The following SLC3A1 variants were observed in gnomAD, a reference collection of about 807,000 sequenced individuals.
The protein encoded by SLC3A1 is amino acid transporter heavy chain SLC3A1.
Under a neutral mutation model 60.3 loss-of-function variants are expected in SLC3A1, and 78 were observed. The observed-to-expected ratio is 1.29, with a 90% CI of 1.08 to 1.56. The LOEUF (loss-of-function observed/expected upper bound fraction) is 1.56. SLC3A1 is among the 40% of genes most tolerant of loss of function. The pLI is 0.00. For missense variants in SLC3A1, 1,172 were observed against 858.9 expected (o/e 1.36, Z -4.56); for synonymous variants, 392 against 307.9 (o/e 1.27, Z -2.86).
intron 7 of SLC3A1, among the ~76,000 whole-genome samples, chr2:44,310,954 C>G (rs976786463): frequency 1.3e-5 from 2 of 152,064 alleles, no homozygotes; most frequent in Admixed American, 1.3e-4. Flanking sequence ...GCCACCATGC[C>G]TGGCTAAATT....
intron 3 of SLC3A1, among the ~76,000 whole-genome samples, chr2:44,281,850 C>T (rs1671507097): frequency 6.6e-6 from 1 of 152,052 alleles, no homozygotes. Context: ...AGTTTGATAA[C>T]CATTTTTCTA....
In SLC3A1 at chr2:44,275,703, G is replaced by T; in HGVS notation, c.168G>T (p.Glu56Asp). ...CCAGGGGCATCCTTGGCTCCCAGGA[G>T]CCCGACTTCAAGGGCGTCCAGCCCT... Reference protein sequence around the residue: ...HSTRGILGSQEPDFKGVQPYA... With the variant: ...HSTRGILGSQDPDFKGVQPYA... The change falls in exon 1 of 10, where the codon GAG (glutamate) becomes GAT (aspartate). Residue 56 changes from glutamate (E) to aspartate (D), a missense_variant. Coordinates refer to ENST00000260649, the MANE Select transcript of SLC3A1 (RefSeq NM_000341.4). The T allele has an allele frequency of 3.1e-6, 5 of 1,614,194 alleles. No individual in the cohort carries two copies. Among genetic ancestry groups the T allele is most frequent in the South Asian group, 1.1e-5 (1 of 91,088 alleles).
chr2:44,303,806 C>T (rs535321824), intron 6 of SLC3A1: 34 of 456,522 alleles, frequency 7.4e-5, no homozygotes, highest in Middle Eastern at 6.4e-4. Context: ...ATTCAACTCC[C>T]ACCTATGAGT....
downstream of SLC3A1, chr2:44,321,734 C>A (rs1201609533): frequency 1.2e-6 from 2 of 1,607,696 alleles, no homozygotes; most frequent in Non-Finnish European, 1.7e-6. Flanking sequence ...TGTGAAGTGG[C>A]TTTGTCATAA....
chr2:44,321,080 C>T lies in SLC3A1; in HGVS notation c.*441C>T. The T allele has an allele frequency of 2.3e-6, 1 of 429,786 alleles. No homozygotes were observed. The allele number at this position is 429,786 out of a possible 1,614,324, so 26.6% of individuals were successfully genotyped here. A position where few individuals can be genotyped will look rare whatever the true frequency, so the allele number is the denominator to read the frequency against. On this transcript the variant is annotated 3_prime_UTR_variant, in exon 10 of 10. Coordinates refer to ENST00000260649, the MANE Select transcript of SLC3A1 (RefSeq NM_000341.4). Reference sequence around the variant, plus strand: ...CTGACTGGAAGGGAGGCCTGGAGCTCTGCTATCACCAATCCTTCCCTTCCC... The same window carrying T: ...CTGACTGGAAGGGAGGCCTGGAGCTTTGCTATCACCAATCCTTCCCTTCCC...
chr2:44,292,389 C>T (rs1181440382), intron 4 of SLC3A1, among the ~76,000 whole-genome samples: 1 of 152,128 alleles, frequency 6.6e-6, no homozygotes, highest in African/African-American at 2.4e-5. Flanking sequence ...ATTTATTGCA[C>T]CTCCTCTATG....
chr2:44,319,847 T>G (rs1672773760), intron 9 of SLC3A1: 1 of 211,860 alleles, frequency 4.7e-6, no homozygotes, highest in South Asian at 7.9e-5. Flanking sequence ...ATCTGGCAGT[T>G]ACAATATAGC....
intron 9 of SLC3A1, chr2:44,317,889 CAG>C (rs1438845878): frequency 4.6e-6 from 1 of 218,970 alleles, no homozygotes; most frequent in African/African-American, 2.4e-5. Context: ...TAAAACCACT[CAG>C]ATAACAAAAA....
intron 9 of SLC3A1, chr2:44,317,964 A>G: frequency 3.7e-6 from 1 of 269,964 alleles, no homozygotes; most frequent in South Asian, 3.0e-5. Flanking sequence ...CAAGCAAATA[A>G]TAGAAAGCTT....
At chr2:44,306,092 T>C (rs920502847) in intron 7 of SLC3A1, among the ~76,000 whole-genome samples, 10 of 152,214 alleles carry the variant, frequency 6.6e-5, no homozygotes, top group Non-Finnish European at 2.9e-5. Context: ...GGTGCTGTTG[T>C]TATTCGTATG....
intron 4 of SLC3A1, among the ~76,000 whole-genome samples, chr2:44,295,774 C>G (rs1224684153): frequency 6.6e-6 from 1 of 152,148 alleles, no homozygotes; most frequent in Non-Finnish European, 1.5e-5. Flanking sequence ...TGCCCAAAAG[C>G]TTGATGTTTA....
downstream of SLC3A1, chr2:44,321,920 G>A (rs1192640537): frequency 3.1e-6 from 5 of 1,604,992 alleles, no homozygotes; most frequent in Admixed American, 5.1e-5. Flanking sequence ...TTAACATGTA[G>A]AACAATTAGA....
Position 44,305,406 on chromosome 2 carries a change from A to T in SLC3A1, c.1332+1068A>T, listed in dbSNP as rs1672128591. ...ATGCAAGTTTCTTTCTCTCATATAAAAGACAACCTTTCTTTTCTTACTTTT... is the reference window on the plus strand; with the variant it reads ...ATGCAAGTTTCTTTCTCTCATATAATAGACAACCTTTCTTTTCTTACTTTT... On this transcript the variant is annotated intron_variant, in intron 7 of 9. Coordinates refer to ENST00000260649, the MANE Select transcript of SLC3A1 (RefSeq NM_000341.4). 4.6e-5 allele frequency among the ~76,000 whole-genome samples: 7 copies of T among 150,714 alleles called. No homozygotes were observed. In the South Asian group the frequency reaches 1.5e-3, roughly 32 times the overall value.
chr2:44,307,234 T>C (rs1161822719), intron 7 of SLC3A1, among the ~76,000 whole-genome samples: 1 of 152,252 alleles, frequency 6.6e-6, no homozygotes. Flanking sequence ...TTTGTTTATC[T>C]GATCATGAAT....
At chr2:44,286,539 AGCTGTGCGGTGCCTGTGACG>A (rs1671616572) in intron 4 of SLC3A1, among the ~76,000 whole-genome samples, 1 of 108,046 alleles carries the variant, frequency 9.3e-6, no homozygotes, top group African/African-American at 3.1e-5. Context: ...TGTGACGGTG[AGCTGTGCGGTGCCTGTGACG>A]GTGAGCTGTG....
At chr2:44,319,624 TAAA>T (rs764957188) in intron 9 of SLC3A1, 1 of 153,020 alleles carries the variant, frequency 6.5e-6, no homozygotes, top group Non-Finnish European at 1.5e-5. Context: ...ACTATTATGG[TAAA>T]AAAAAGTCTA....
At chr2:44,313,195 A>G (rs1028753556) in intron 8 of SLC3A1, among the ~76,000 whole-genome samples, 4 of 151,858 alleles carry the variant, frequency 2.6e-5, no homozygotes, top group Admixed American at 2.6e-4. Flanking sequence ...CAGCACAAGG[A>G]CCCTTTTCTT....
At chr2:44,279,003 AT>A (rs111937406) in intron 1 of SLC3A1, among the ~76,000 whole-genome samples, 269 of 144,970 alleles carry the variant, frequency 1.9e-3, no homozygotes, top group Middle Eastern at 7.0e-3. Context: ...TATATTTATT[AT>A]TTTTTTTTTT....
At chr2:44,286,553 T>A (rs1268584649) in intron 4 of SLC3A1, among the ~76,000 whole-genome samples, 2 of 145,642 alleles carry the variant, frequency 1.4e-5, no homozygotes. Context: ...GTGCGGTGCC[T>A]GTGACGGTGA....
Sources: gnomAD v4.1 joint callset for allele counts (sites outside exome capture counted in the v4.1 genomes callset) on GRCh38, gnomAD v4.1.1 for gene constraint, MANE v1.5 for transcripts, NCBI Gene and HGNC (gene_info 2026-07-23, HGNC 2026-07-21) for gene names.